Variants in GALNT2 observed in about 807,000 individuals in gnomAD.
GALNT2 encodes polypeptide N-acetylgalactosaminyltransferase 2.
GALNT2 carries 31 observed loss-of-function variants against 81.4 expected under a neutral mutation model. The observed-to-expected ratio is 0.38, with a 90% CI of 0.29 to 0.51. The LOEUF is 0.51. Among genes scored for constraint, GALNT2 ranks in the 20% least tolerant of loss-of-function variants. The probability of loss-of-function intolerance (pLI) is 0.87; values close to 1 mark genes in which losing one functional copy is unlikely to be tolerated. For missense variants in GALNT2, 629 were observed against 765.7 expected (o/e 0.82, Z 2.11); for synonymous variants, 303 against 287.4 (o/e 1.05, Z -0.55).
At chr1:230,180,197 C>G (rs529720735) in intron 2 of GALNT2, among the ~76,000 whole-genome samples, 1 of 151,294 alleles carries the variant, frequency 6.6e-6, no homozygotes, top group Non-Finnish European at 1.5e-5. Flanking sequence ...GGAATTACAG[C>G]GGGAGCCACC....
chr1:230,081,872 T>C (rs765212697), intron 1 of GALNT2, among the ~76,000 whole-genome samples: 4 of 152,252 alleles, frequency 2.6e-5, no homozygotes, highest in Non-Finnish European at 5.9e-5. Flanking sequence ...CTGCTGTTAC[T>C]ACGGAGTAGC....
chr1:230,167,220 A>G (rs757882536), intron 1 of GALNT2, among the ~76,000 whole-genome samples: 13 of 151,858 alleles, frequency 8.6e-5, no homozygotes, highest in Non-Finnish European at 1.9e-4. Flanking sequence ...ATCCTGGCTC[A>G]CTGCAGCCTC....
intron 3 of GALNT2, among the ~76,000 whole-genome samples, chr1:230,226,682 C>A (rs1290656609): frequency 1.3e-5 from 2 of 152,252 alleles, no homozygotes. Flanking sequence ...TCGCCACTCT[C>A]TCCCAAAGTT....
chr1:230,086,631 C>G (rs1192813968), intron 1 of GALNT2, among the ~76,000 whole-genome samples: 1 of 152,144 alleles, frequency 6.6e-6, no homozygotes, highest in Non-Finnish European at 1.5e-5. Flanking sequence ...TTCTTTGTTC[C>G]TCCTTGGCTC....
chr1:230,161,564 A>T (rs1217719974), intron 1 of GALNT2, among the ~76,000 whole-genome samples: 1 of 152,224 alleles, frequency 6.6e-6, no homozygotes, highest in African/African-American at 2.4e-5. Flanking sequence ...GCTGAATTTC[A>T]GTCTCTCTTA....
chr1:230,114,680 C>T (rs1160603520), intron 1 of GALNT2, among the ~76,000 whole-genome samples: 1 of 152,162 alleles, frequency 6.6e-6, no homozygotes, highest in South Asian at 2.1e-4. Flanking sequence ...AGTAAACGCA[C>T]TCAGCTCACC....
In GALNT2 at chr1:230,151,521, C is replaced by T. The variant is rs146974406; in HGVS notation, c.127-26697C>T. ...AAGAAGCAATGATTTTCTGACTACC[C>T]GGCCTCCCCAAGATAGCCCTGGGAG... On this transcript the variant is annotated intron_variant, in intron 1 of 15. Transcript: ENST00000366672. Among the ~76,000 whole-genome samples the T allele has an allele frequency of 4.3e-4, 65 of 152,270 alleles. 1 individual carries two copies. The highest frequency in any genetic ancestry group is 2.1e-3 in the East Asian group (11 of 5,184).
chr1:230,076,740 A>G (rs772044117), intron 1 of GALNT2, among the ~76,000 whole-genome samples: 49 of 152,110 alleles, frequency 3.2e-4, no homozygotes, highest in Non-Finnish European at 6.5e-4. Flanking sequence ...ATTTTATCGG[A>G]TTGGTAGGTA....
intron 2 of GALNT2, among the ~76,000 whole-genome samples, chr1:230,192,556 G>A (rs569786824): frequency 6.6e-6 from 1 of 152,288 alleles, no homozygotes; most frequent in South Asian, 2.1e-4. Flanking sequence ...TGGTTAGGTA[G>A]TACAACATAT....
At chr1:230,069,430 A>G (rs758109605) in intron 1 of GALNT2, among the ~76,000 whole-genome samples, 2 of 152,168 alleles carry the variant, frequency 1.3e-5, no homozygotes, top group African/African-American at 4.8e-5. Context: ...ATAAAATTTA[A>G]TGCTACCCCT....
At chr1:230,200,849 T>C (rs1663871037) in intron 2 of GALNT2, among the ~76,000 whole-genome samples, 1 of 152,238 alleles carries the variant, frequency 6.6e-6, no homozygotes, top group Non-Finnish European at 1.5e-5. Context: ...TGGTTCTTTA[T>C]TCCATAGTTC....
chr1:230,177,236 G>A (rs575889632), intron 1 of GALNT2, among the ~76,000 whole-genome samples: 12 of 152,370 alleles, frequency 7.9e-5, no homozygotes, highest in Admixed American at 3.9e-4. Flanking sequence ...AGTGGTGAAC[G>A]TGCGTGCAGC....
At chr1:230,110,127 G>C (rs1660659422) in intron 1 of GALNT2, among the ~76,000 whole-genome samples, 1 of 152,192 alleles carries the variant, frequency 6.6e-6, no homozygotes, top group African/African-American at 2.4e-5. Context: ...GAGCAGCTGT[G>C]GGGTGAAAGT....
intron 1 of GALNT2, among the ~76,000 whole-genome samples, chr1:230,169,562 G>A (rs1477059671): frequency 6.6e-6 from 1 of 152,226 alleles, no homozygotes; most frequent in Non-Finnish European, 1.5e-5. Flanking sequence ...GAAGACAATT[G>A]ACCGACTGTG....
At chr1:230,176,354 T>C (rs372492655) in intron 1 of GALNT2, among the ~76,000 whole-genome samples, 52 of 152,346 alleles carry the variant, frequency 3.4e-4, no homozygotes, top group African/African-American at 1.2e-3. Context: ...GATGACTTTA[T>C]TTTTACATGT....
At chr1:230,129,911 G>A (rs542681893) in intron 1 of GALNT2, among the ~76,000 whole-genome samples, 6 of 152,326 alleles carry the variant, frequency 3.9e-5, no homozygotes, top group South Asian at 2.1e-4. Flanking sequence ...TCCTGGCTCC[G>A]CAGAGCAGGC....
rs73107944 is a variant in GALNT2 at position 230,105,461 on chromosome 1, T to C, written c.126+38055T>C. Among the ~76,000 whole-genome samples, 548 of 152,294 alleles carry C rather than the reference T, an allele frequency of 3.6e-3. 4 individuals carry two copies. The highest frequency in any genetic ancestry group is 0.012 in the African/African-American group (504 of 41,560). ...AGGATGCATCTTCCATGGATGGTGT[T>C]TCAGGGTTTCATTGATCGTGTTTTT... On this transcript the variant is annotated intron_variant, in intron 1 of 15. Coordinates refer to ENST00000366672, the MANE Select transcript of GALNT2 (RefSeq NM_004481.5).
At chr1:230,077,659 A>T (rs1195406542) in intron 1 of GALNT2, among the ~76,000 whole-genome samples, 1 of 152,212 alleles carries the variant, frequency 6.6e-6, no homozygotes, top group South Asian at 2.1e-4. Flanking sequence ...AAGCACTCTG[A>T]GTCACTTTTT....
intron 3 of GALNT2, among the ~76,000 whole-genome samples, chr1:230,226,307 G>GCC (rs1664707674): frequency 6.6e-6 from 1 of 152,166 alleles, no homozygotes; most frequent in Non-Finnish European, 1.5e-5. Context: ...GGCATTCACC[G>GCC]CCTCTATTGC....
Sources: allele counts gnomAD v4.1 joint callset (sites outside exome capture counted in the v4.1 genomes callset), GRCh38; gene constraint gnomAD v4.1.1; transcripts MANE v1.5; gene names NCBI Gene and HGNC (gene_info 2026-07-23, HGNC 2026-07-21).